The following IGF2BP3 variants were observed in gnomAD, a reference collection of about 807,000 sequenced individuals.
IGF2BP3 encodes the protein insulin like growth factor 2 mRNA binding protein 3, also known as insulin-like growth factor 2 mRNA-binding protein 3.
In IGF2BP3, 9 loss-of-function variants were observed where a neutral mutation model predicts 73.8. The observed-to-expected ratio is 0.12, with a 90% CI of 0.07 to 0.21. The LOEUF (loss-of-function observed/expected upper bound fraction) is 0.21, where lower values mean the gene tolerates loss of function less well. IGF2BP3 is among the 10% of genes least tolerant of loss of function. The probability of loss-of-function intolerance (pLI) is 1.00; values close to 1 mark genes in which losing one functional copy is unlikely to be tolerated. For synonymous variants in IGF2BP3, 258 were observed against 256.7 expected (o/e 1.01, Z -0.05); for missense variants, 542 against 714.0 (o/e 0.76, Z 2.75).
At chr7:23,409,548 T>C (rs1469834959) in intron 3 of IGF2BP3, among the ~76,000 whole-genome samples, 2 of 152,120 alleles carry the variant, frequency 1.3e-5, no homozygotes, top group Non-Finnish European at 1.5e-5. Context: ...GACAGACACA[T>C]AAATCAATGG....
chr7:23,364,246 C>T (rs138708443), intron 3 of IGF2BP3, among the ~76,000 whole-genome samples: 2,123 of 151,954 alleles, frequency 0.014, 28 homozygotes, highest in Non-Finnish European at 0.017. Context: ...CGGTGGTGCG[C>T]GCTTGTAGTC....
chr7:23,369,236 G>A (rs1477708983), intron 3 of IGF2BP3, among the ~76,000 whole-genome samples: 1 of 152,106 alleles, frequency 6.6e-6, no homozygotes, highest in Non-Finnish European at 1.5e-5. Context: ...GAACCTAAGT[G>A]CCTGGACCGA....
At chr7:23,316,220 T>G (rs983106862) in intron 12 of IGF2BP3, among the ~76,000 whole-genome samples, 1 of 152,200 alleles carries the variant, frequency 6.6e-6, no homozygotes, top group Non-Finnish European at 1.5e-5. Context: ...TCGTTTCCCA[T>G]TCTTCACATA....
At chr7:23,330,368 G>A (rs1784414259) in intron 10 of IGF2BP3, among the ~76,000 whole-genome samples, 1 of 149,726 alleles carries the variant, frequency 6.7e-6, no homozygotes, top group African/African-American at 2.4e-5. Context: ...TTTCTCTAGA[G>A]CTGTCAAAAA....
intron 3 of IGF2BP3, among the ~76,000 whole-genome samples, chr7:23,388,975 C>T (rs1462182034): frequency 6.6e-6 from 1 of 152,100 alleles, no homozygotes; most frequent in Non-Finnish European, 1.5e-5. Flanking sequence ...AGGCTCTTGA[C>T]TCACACATCA....
At chr7:23,463,390 C>G (rs1289558503) in intron 2 of IGF2BP3, among the ~76,000 whole-genome samples, 2 of 152,136 alleles carry the variant, frequency 1.3e-5, no homozygotes, top group Non-Finnish European at 2.9e-5. Context: ...CCCTTGCTAA[C>G]TGCATGAAAG....
In IGF2BP3 at chr7:23,353,600, A is replaced by G. The variant is rs147873732; in HGVS notation, c.402-2014T>C. On this transcript the variant is annotated intron_variant, in intron 5 of 14. Transcript: ENST00000258729. ...CAGTCCTTTCTATATGTTTACAAAC[A>G]CATGTATTCATATTCGGTTCCTTCA... 3.0e-4 allele frequency among the ~76,000 whole-genome samples: 46 copies of G among 152,368 alleles called. No individual in the cohort carries two copies. In the East Asian group the frequency reaches 8.3e-3, roughly 27 times the overall value.
At chr7:23,467,702 G>C (rs1437284300) in intron 2 of IGF2BP3, 1 of 152,304 alleles carries the variant, frequency 6.6e-6, no homozygotes, top group African/African-American at 2.4e-5. Flanking sequence ...AAGGGAAAGA[G>C]CCATGTCTCC....
intron 2 of IGF2BP3, among the ~76,000 whole-genome samples, chr7:23,439,318 C>T (rs946268260): frequency 4.0e-5 from 6 of 151,572 alleles, no homozygotes; most frequent in Non-Finnish European, 8.8e-5. Flanking sequence ...TTTGGGACGC[C>T]GAGGTGGGCA....
intron 2 of IGF2BP3, among the ~76,000 whole-genome samples, chr7:23,428,105 G>A (rs1020568954): frequency 3.3e-5 from 5 of 152,162 alleles, no homozygotes; most frequent in Admixed American, 2.0e-4. Flanking sequence ...GAACCCAGGA[G>A]GTGGAGGCTG....
chr7:23,370,556 G>A (rs7788861), intron 3 of IGF2BP3, among the ~76,000 whole-genome samples: 7,561 of 152,182 alleles, frequency 0.05, 633 homozygotes, highest in African/African-American at 0.17. Context: ...TAAGGGAAGG[G>A]GCCATGTCTT....
At chr7:23,463,164 T>C (rs1470928837) in intron 2 of IGF2BP3, among the ~76,000 whole-genome samples, 1 of 152,196 alleles carries the variant, frequency 6.6e-6, no homozygotes, top group Non-Finnish European at 1.5e-5. Context: ...CCACCAGAGT[T>C]ACTGAATGGA....
chr7:23,378,650 T>G (rs1339416318), intron 3 of IGF2BP3, among the ~76,000 whole-genome samples: 1 of 143,988 alleles, frequency 6.9e-6, no homozygotes, highest in Non-Finnish European at 1.5e-5. Context: ...CTTGGCTTAC[T>G]GCCACCTCCG....
intron 3 of IGF2BP3, among the ~76,000 whole-genome samples, chr7:23,407,544 G>A (rs1049432314): frequency 2.0e-5 from 3 of 149,776 alleles, no homozygotes; most frequent in Non-Finnish European, 4.4e-5. Context: ...GGAGGCAGAG[G>A]TTGTGGTGAG....
At chr7:23,387,021 C>A (rs971014431) in intron 3 of IGF2BP3, among the ~76,000 whole-genome samples, 3 of 149,206 alleles carry the variant, frequency 2.0e-5, no homozygotes, top group Non-Finnish European at 4.4e-5. Context: ...GAGCAGAGAT[C>A]ACGTCACTGC....
intron 3 of IGF2BP3, among the ~76,000 whole-genome samples, chr7:23,416,895 A>G (rs958495115): frequency 2.0e-5 from 3 of 152,176 alleles, no homozygotes; most frequent in Non-Finnish European, 4.4e-5. Flanking sequence ...CTCTACTAAA[A>G]ATACAAAAAA....
At chr7:23,327,035 T>G (rs1020620307) in intron 10 of IGF2BP3, among the ~76,000 whole-genome samples, 1 of 151,570 alleles carries the variant, frequency 6.6e-6, no homozygotes, top group Non-Finnish European at 1.5e-5. Context: ...ACCTGCACAT[T>G]GTGCACATGT....
chr7:23,346,644 G>A (rs1234034834), intron 7 of IGF2BP3, among the ~76,000 whole-genome samples: 2 of 150,868 alleles, frequency 1.3e-5, no homozygotes, highest in Non-Finnish European at 2.9e-5. Context: ...CCAGGCAGGC[G>A]TGCAGTGGCG....
chr7:23,406,792 C>G (rs1358165126), intron 3 of IGF2BP3, among the ~76,000 whole-genome samples: 1 of 152,160 alleles, frequency 6.6e-6, no homozygotes, highest in East Asian at 1.9e-4. Context: ...TAGCTAGACA[C>G]AGAGCACTGA....
Sources: allele counts gnomAD v4.1 joint callset (sites outside exome capture counted in the v4.1 genomes callset), GRCh38; gene constraint gnomAD v4.1.1; transcripts MANE v1.5; gene names NCBI Gene and HGNC (gene_info 2026-07-23, HGNC 2026-07-21).